EXT1: variants seen among roughly 807,000 people sequenced by gnomAD.
EXT1 encodes exostosin glycosyltransferase 1.
A neutral mutation model predicts 82.5 loss-of-function variants in EXT1; 20 were observed. That is an observed-to-expected ratio of 0.24 (90% confidence interval 0.17 to 0.35). EXT1 has a LOEUF of 0.35. Among genes scored for constraint, EXT1 ranks in the 10% least tolerant of loss-of-function variants. The probability of loss-of-function intolerance (pLI) is 1.00; values close to 1 mark genes in which losing one functional copy is unlikely to be tolerated. For missense variants in EXT1, 757 were observed against 936.5 expected, an observed-to-expected ratio of 0.81 and a Z score of 2.50; for synonymous variants, 348 against 350.8, an observed-to-expected ratio of 0.99 and a Z score of 0.09.
At chr8:117,992,833 T>C (rs1018306060) in intron 1 of EXT1, among the ~76,000 whole-genome samples, 2 of 152,202 alleles carry the variant, frequency 1.3e-5, no homozygotes, top group Non-Finnish European at 2.9e-5. Flanking sequence ...AGACCCTGTA[T>C]CTAAGTCTCT....
chr8:117,880,396 T>C (rs1300005446), intron 1 of EXT1, among the ~76,000 whole-genome samples: 1 of 152,172 alleles, frequency 6.6e-6, no homozygotes, highest in Non-Finnish European at 1.5e-5. Flanking sequence ...GTTCTTAAAA[T>C]TGTTAGATTT....
chr8:117,800,949 A>T (rs1444764119), intron 10 of EXT1, among the ~76,000 whole-genome samples: 1 of 152,238 alleles, frequency 6.6e-6, no homozygotes, highest in Non-Finnish European at 1.5e-5. Flanking sequence ...TGGGCTGCCC[A>T]ATTATGGGGG....
chr8:117,871,325 G>A (rs1812866771), intron 1 of EXT1, among the ~76,000 whole-genome samples: 2 of 152,170 alleles, frequency 1.3e-5, no homozygotes, highest in African/African-American at 2.4e-5. Context: ...ATAAATGCAT[G>A]TACTGGAATA....
At chr8:117,823,763 T>C (rs191716214) in intron 4 of EXT1, among the ~76,000 whole-genome samples, 1 of 152,286 alleles carries the variant, frequency 6.6e-6, no homozygotes, top group Admixed American at 6.5e-5. Context: ...AAGGAGGAAA[T>C]TCAAAAGAAC....
At chr8:118,018,248 A>G (rs901046909) in intron 1 of EXT1, among the ~76,000 whole-genome samples, 6 of 152,214 alleles carry the variant, frequency 3.9e-5, no homozygotes, top group Admixed American at 6.5e-5. Flanking sequence ...ATACCAGAGT[A>G]GGGTGGGTGC....
intron 9 of EXT1, among the ~76,000 whole-genome samples, chr8:117,806,888 A>T (rs1823246693): frequency 6.6e-6 from 1 of 152,224 alleles, no homozygotes. Context: ...AATCCCAAGC[A>T]CCTAGAACAG....
chr8:117,959,079 ACT>A (rs1814644676), intron 1 of EXT1, among the ~76,000 whole-genome samples: 1 of 152,176 alleles, frequency 6.6e-6, no homozygotes, highest in Admixed American at 6.5e-5. Flanking sequence ...CCAACTCCAC[ACT>A]TCCTCCAATT....
intron 1 of EXT1, among the ~76,000 whole-genome samples, chr8:118,023,886 T>C (rs1007232804): frequency 6.6e-6 from 1 of 152,258 alleles, no homozygotes; most frequent in African/African-American, 2.4e-5. Flanking sequence ...TCTTCCTTTC[T>C]TCCTGCATAT....
intron 1 of EXT1, among the ~76,000 whole-genome samples, chr8:118,022,616 G>A (rs1043060819): frequency 1.4e-4 from 21 of 150,790 alleles, no homozygotes; most frequent in Non-Finnish European, 5.9e-5. Flanking sequence ...GGGATTACAG[G>A]CATGAGCCAC....
At chr8:118,051,067 G>A (rs926897831) in intron 1 of EXT1, among the ~76,000 whole-genome samples, 3 of 152,160 alleles carry the variant, frequency 2.0e-5, no homozygotes, top group Admixed American at 6.5e-5. Context: ...CAGGTGTAGT[G>A]GCTCACGTCT....
intron 1 of EXT1, among the ~76,000 whole-genome samples, chr8:117,986,486 C>T (rs1815322453): frequency 6.6e-6 from 1 of 152,002 alleles, no homozygotes; most frequent in African/African-American, 2.4e-5. Context: ...CGTGAGCCAC[C>T]GCACCTGGAA....
chr8:118,004,889 T>C (rs1249268336), intron 1 of EXT1, among the ~76,000 whole-genome samples: 1 of 151,832 alleles, frequency 6.6e-6, no homozygotes, highest in Admixed American at 6.5e-5. Flanking sequence ...GGCCAGAATT[T>C]TTCATTCACA....
chr8:117,819,576 C>CGGGGAGCCT (rs35834568), intron 6 of EXT1, 100 bp downstream of exon 6: 6 of 965,504 alleles, frequency 6.2e-6, no homozygotes, highest in South Asian at 5.2e-5. Context: ...AGAGAAGTCC[C>CGGGGAGCCT]GGGGAGCCTG....
At chr8:118,039,130 G>A (rs765194459) in intron 1 of EXT1, among the ~76,000 whole-genome samples, 11 of 152,346 alleles carry the variant, frequency 7.2e-5, no homozygotes, top group Admixed American at 5.2e-4. Context: ...TTGTAAGGAT[G>A]AATGAAGACC....
intron 1 of EXT1, among the ~76,000 whole-genome samples, chr8:117,937,226 A>T (rs1478584899): frequency 6.6e-6 from 1 of 152,210 alleles, no homozygotes; most frequent in African/African-American, 2.4e-5. Flanking sequence ...CTTTAAGAGG[A>T]TTGCACGAGA....
At chr8:117,832,810 C>T (rs988224409) in intron 3 of EXT1, among the ~76,000 whole-genome samples, 4 of 152,196 alleles carry the variant, frequency 2.6e-5, no homozygotes, top group African/African-American at 9.6e-5. Flanking sequence ...GTTTTAATGG[C>T]ACTTGGCTAT....
At chr8:117,990,043 T>C (rs746975953) in intron 1 of EXT1, among the ~76,000 whole-genome samples, 21 of 152,038 alleles carry the variant, frequency 1.4e-4, no homozygotes, top group Non-Finnish European at 2.8e-4. Flanking sequence ...TGTGGTGGTA[T>C]GAGCCTGTAA....
chr8:117,875,110 A>G (rs1250886277), intron 1 of EXT1, among the ~76,000 whole-genome samples: 2 of 152,198 alleles, frequency 1.3e-5, no homozygotes, highest in African/African-American at 2.4e-5. Flanking sequence ...GCCGCCTAAG[A>G]TGATCATTTA....
intron 4 of EXT1, among the ~76,000 whole-genome samples, chr8:117,825,472 A>G (rs1278888221): frequency 6.6e-6 from 1 of 152,194 alleles, no homozygotes; most frequent in Non-Finnish European, 1.5e-5. Context: ...ATCAATACAC[A>G]CACACACATA....
Sources: allele counts gnomAD v4.1 joint callset (sites outside exome capture counted in the v4.1 genomes callset), GRCh38; gene constraint gnomAD v4.1.1; transcripts MANE v1.5; gene names NCBI Gene and HGNC (gene_info 2026-07-23, HGNC 2026-07-21).